Variants in FGF13 observed in about 807,000 individuals in gnomAD.
FGF13 encodes the protein fibroblast growth factor homologous factor 2.
FGF13 carries 2 observed loss-of-function variants against 19.5 expected under a neutral mutation model. The ratio of observed to expected loss-of-function variants is 0.10; its 90% CI spans 0.04 to 0.32. The LOEUF (loss-of-function observed/expected upper bound fraction) is 0.32. Ranked by LOEUF, FGF13 falls within the 10% of genes least tolerant of loss-of-function variation. The pLI is 1.00. For missense variants in FGF13, 113 were observed against 192.7 expected (o/e 0.59, Z 2.45); for synonymous variants, 72 against 76.9 (o/e 0.94, Z 0.33).
At position 138,705,337 on chromosome X, in the gene FGF13, G is replaced by A. The variant is rs374498315; in HGVS notation, c.299-2250C>T. 2.7e-5 allele frequency among the ~76,000 whole-genome samples: 3 copies of A among 111,213 alleles called. No individual in the cohort carries two copies. The East Asian group carries it at 8.5e-4, about 31-fold the overall frequency. On this transcript the variant is annotated intron_variant, in intron 2 of 4. Transcript: ENST00000315930. Reference sequence around the variant, plus strand: ...AAAAAAAACTGATTTGATTTTCACCGTGTTCTCCAATCACTCTGACTCAGG... The same window carrying A: ...AAAAAAAACTGATTTGATTTTCACCATGTTCTCCAATCACTCTGACTCAGG...
chrX:139,139,023 G>A (rs765581529), intron 1 of FGF13, among the ~76,000 whole-genome samples: 6 of 105,745 alleles, frequency 5.7e-5, no homozygotes, highest in East Asian at 3.0e-4. Context: ...TCCTTCTCCC[G>A]GATCCAAGCT....
chrX:138,780,504 G>A (rs1393173847), intron 3 of FGF13, among the ~76,000 whole-genome samples: 1 of 88,412 alleles, frequency 1.1e-5, no homozygotes, highest in Admixed American at 1.3e-4. Context: ...AAAAAGGCAG[G>A]GGTTGCAATC....
At chrX:138,947,940 T>C (rs973430565) in intron 1 of FGF13, among the ~76,000 whole-genome samples, 7 of 111,287 alleles carry the variant, frequency 6.3e-5, no homozygotes, top group African/African-American at 2.3e-4. Context: ...GGAAAGACCA[T>C]GTGAAGACAA....
chrX:138,941,756 T>C (rs1464162702), intron 1 of FGF13, among the ~76,000 whole-genome samples: 1 of 111,853 alleles, frequency 8.9e-6, no homozygotes, highest in Non-Finnish European at 1.9e-5. Context: ...CCAGATTAGG[T>C]TGTATGTATG....
intron 3 of FGF13, among the ~76,000 whole-genome samples, chrX:138,829,343 G>A (rs1602926031): frequency 9.0e-6 from 1 of 111,137 alleles, no homozygotes; most frequent in East Asian, 2.9e-4. Flanking sequence ...TGGGGGGTGA[G>A]TTATTACTCT....
In FGF13 at chrX:138,623,012, T is replaced by TAAG; in HGVS notation, c.*9835_*9837dup. On this transcript the variant is annotated 3_prime_UTR_variant, in exon 5 of 5. Coordinates refer to ENST00000315930, the MANE Select transcript of FGF13 (RefSeq NM_004114.5). ...TCACCTCCTTTGCTAAATTTATTTC[T>TAAG]AAGTATTTTTTTGCAATTGCAAATG... 1 of 112,237 alleles carries TAAG rather than the reference T, an allele frequency of 8.9e-6. No homozygotes were observed. The highest frequency in any genetic ancestry group is 1.9e-5 in the Non-Finnish European group (1 of 53,246). The allele number at this position is 112,237 out of a possible 1,213,427, so 9.2% of individuals were successfully genotyped here.
At chrX:139,028,618 A>AGT (rs2092211385) in intron 1 of FGF13, among the ~76,000 whole-genome samples, 1 of 62,872 alleles carries the variant, frequency 1.6e-5, no homozygotes, top group Non-Finnish European at 2.9e-5. Flanking sequence ...TGTGTGTGTG[A>AGT]GAGAGAGAGA....
At chrX:138,789,365 A>G (rs1340238190) in intron 3 of FGF13, among the ~76,000 whole-genome samples, 1 of 101,343 alleles carries the variant, frequency 9.9e-6, no homozygotes, top group Non-Finnish European at 2.0e-5. Context: ...TTTTTTTAGT[A>G]GAGATGGGGT....
At chrX:139,153,122 G>A (rs1218464396) in intron 1 of FGF13, among the ~76,000 whole-genome samples, 1 of 111,386 alleles carries the variant, frequency 9.0e-6, no homozygotes, top group African/African-American at 3.3e-5. Flanking sequence ...TCAATAAAAA[G>A]TATTGATCAG....
At chrX:138,656,514 G>A (rs898970680) in intron 3 of FGF13, among the ~76,000 whole-genome samples, 14 of 111,406 alleles carry the variant, frequency 1.3e-4, no homozygotes, top group Non-Finnish European at 2.3e-4. Context: ...CAGCAAATAA[G>A]AACAATCCTG....
chrX:138,970,206 T>G (rs920263366), intron 1 of FGF13, among the ~76,000 whole-genome samples: 3 of 111,773 alleles, frequency 2.7e-5, no homozygotes, highest in African/African-American at 9.8e-5. Context: ...ATGAATGATG[T>G]CTGTTTTATT....
At chrX:138,727,682 T>C (rs184761846) in intron 1 of FGF13, among the ~76,000 whole-genome samples, 105 of 111,456 alleles carry the variant, frequency 9.4e-4, no homozygotes, top group Admixed American at 2.0e-3. Flanking sequence ...TAAGAAAATA[T>C]ACCTAGGAAA....
intron 3 of FGF13, among the ~76,000 whole-genome samples, chrX:138,692,810 C>T (rs1006579699): frequency 9.0e-6 from 1 of 110,970 alleles, no homozygotes; most frequent in Non-Finnish European, 1.9e-5. Flanking sequence ...TATTGTTTAG[C>T]TTCAAGAGTC....
At chrX:139,188,541 A>T (rs1180624235) in intron 1 of FGF13, among the ~76,000 whole-genome samples, 1 of 111,734 alleles carries the variant, frequency 8.9e-6, no homozygotes, top group Admixed American at 9.5e-5. Flanking sequence ...TCAAAGCCAC[A>T]CACAGCACTT....
intron 3 of FGF13, among the ~76,000 whole-genome samples, chrX:138,813,922 TTGGA>T (rs1055471849): frequency 3.6e-4 from 40 of 111,548 alleles, no homozygotes; most frequent in Non-Finnish European, 1.1e-4. Flanking sequence ...CATTTCTATC[TTGGA>T]ATATAATTAG....
intron 1 of FGF13, among the ~76,000 whole-genome samples, chrX:139,088,985 A>T (rs1181348229): frequency 1.8e-5 from 2 of 112,572 alleles, no homozygotes; most frequent in East Asian, 2.8e-4. Flanking sequence ...ACCAGACATT[A>T]AATCTTCCAG....
chrX:138,660,658 T>C (rs1033997673), intron 3 of FGF13, among the ~76,000 whole-genome samples: 5 of 111,319 alleles, frequency 4.5e-5, no homozygotes, highest in Admixed American at 3.8e-4. Flanking sequence ...CAATAAATTA[T>C]TGGTGACAGT....
intron 1 of FGF13, among the ~76,000 whole-genome samples, chrX:138,932,519 G>T (rs1046038741): frequency 6.1e-5 from 6 of 97,769 alleles, no homozygotes; most frequent in East Asian, 4.1e-4. Flanking sequence ...GGGAGGGCGG[G>T]GGGTGGGGGT....
At chrX:138,661,813 G>A (rs1018515871) in intron 3 of FGF13, among the ~76,000 whole-genome samples, 6 of 111,222 alleles carry the variant, frequency 5.4e-5, no homozygotes, top group Middle Eastern at 4.2e-3. Context: ...GTTTTATTTC[G>A]TTTGATAATT....
Sources: gnomAD v4.1 joint callset for allele counts (sites outside exome capture counted in the v4.1 genomes callset) on GRCh38, gnomAD v4.1.1 for gene constraint, MANE v1.5 for transcripts, NCBI Gene and HGNC (gene_info 2026-07-23, HGNC 2026-07-21) for gene names.